Variants in DAAM2 observed in about 807,000 individuals in gnomAD.
DAAM2 encodes dishevelled associated activator of morphogenesis 2, also known as disheveled-associated activator of morphogenesis 2.
Under a neutral mutation model 120.7 loss-of-function variants are expected in DAAM2, and 39 were observed. The ratio of observed to expected loss-of-function variants is 0.32; its 90% CI spans 0.25 to 0.42. DAAM2 has a LOEUF of 0.42. DAAM2 is among the 10% of genes least tolerant of loss of function. The pLI is 1.00. For synonymous variants in DAAM2, 488 were observed against 524.9 expected (o/e 0.93, Z 0.96); for missense variants, 1,283 against 1,401.7 (o/e 0.92, Z 1.35).
At chr6:39,820,906 T>C (rs187005857) in intron 1 of DAAM2, 3 of 152,342 alleles carry the variant, frequency 2.0e-5, no homozygotes, top group Non-Finnish European at 4.4e-5. Context: ...TAATATTTCT[T>C]ATGGGTTATT....
chr6:39,828,754 G>A (rs917219258), intron 1 of DAAM2, among the ~76,000 whole-genome samples: 2 of 151,870 alleles, frequency 1.3e-5, no homozygotes, highest in African/African-American at 4.8e-5. Flanking sequence ...GTAGAGACGG[G>A]GTTTCACCAT....
At chr6:39,857,903 C>T (rs1392762339) in intron 2 of DAAM2, among the ~76,000 whole-genome samples, 1 of 151,888 alleles carries the variant, frequency 6.6e-6, no homozygotes, top group East Asian at 1.9e-4. Flanking sequence ...GTAGGGAAGA[C>T]TGATTTTGAG....
At chr6:39,841,251 G>T (rs1342547334) in intron 1 of DAAM2, among the ~76,000 whole-genome samples, 10 of 106,008 alleles carry the variant, frequency 9.4e-5, no homozygotes, top group Non-Finnish European at 1.8e-4. Context: ...GAGGGGCGCT[G>T]GGAAGAGGGG....
chr6:39,816,858 G>A lies in DAAM2; in HGVS notation c.-57+24393G>A, dbSNP rs6916492. Among the ~76,000 whole-genome samples the A allele has an allele frequency of 8.1e-3, 1,228 of 152,314 alleles. 21 individuals are homozygous for A. Among genetic ancestry groups the A allele is most frequent in the African/African-American group, 0.027 (1,136 of 41,562 alleles). On this transcript the variant is annotated intron_variant, in intron 1 of 24. Transcript: ENST00000274867. ...CAGTACCGTCTCTAGTCCTGTTAAC[G>A]CTCCCCGTGTGGCGGGAAACCTCAC...
At chr6:39,876,446 T>C (rs2504795) in intron 11 of DAAM2, among the ~76,000 whole-genome samples, 104,617 of 152,126 alleles carry the variant, frequency 0.69, 36,918 homozygotes, top group African/African-American at 0.85. Flanking sequence ...GATCAAAAGG[T>C]GACTTTAGTT....
intron 1 of DAAM2, among the ~76,000 whole-genome samples, chr6:39,853,635 G>C (rs982641212): frequency 6.6e-6 from 1 of 152,182 alleles, no homozygotes; most frequent in Admixed American, 6.5e-5. Context: ...TGCCATGTCT[G>C]ATTCCTCTAG....
chr6:39,813,618 T>C (rs995344128), intron 1 of DAAM2, among the ~76,000 whole-genome samples: 2 of 152,138 alleles, frequency 1.3e-5, no homozygotes, highest in African/African-American at 4.8e-5. Flanking sequence ...TTATACAAAA[T>C]ACATAGTAGC....
chr6:39,890,770 A>G (rs1050776031), intron 17 of DAAM2, among the ~76,000 whole-genome samples: 3 of 152,166 alleles, frequency 2.0e-5, no homozygotes, highest in African/African-American at 7.2e-5. Context: ...AGAAAAGAAA[A>G]ATCACTGAGC....
At chr6:39,833,991 C>A (rs1763012330) in intron 1 of DAAM2, among the ~76,000 whole-genome samples, 1 of 152,168 alleles carries the variant, frequency 6.6e-6, no homozygotes, top group South Asian at 2.1e-4. Flanking sequence ...TTCCCAAAGT[C>A]TTGCAGCTTG....
At position 39,871,655 on chromosome 6, in the gene DAAM2, T is replaced by C. The variant is rs1279067813; in HGVS notation, c.1044+83T>C. 6 of 1,309,742 alleles carry C rather than the reference T, an allele frequency of 4.6e-6. No homozygotes were observed. The Admixed American group carries it at 1.0e-4, about 22-fold the overall frequency. 81.1% of individuals were successfully genotyped at this position (1,309,742 alleles called of 1,614,324 possible). ...CACAGCCACTTTTCTAGACCCCGTGTTGTGGCAGGGCTGGTGTGGGCTGGT... is the reference window on the plus strand; with the variant it reads ...CACAGCCACTTTTCTAGACCCCGTGCTGTGGCAGGGCTGGTGTGGGCTGGT... On this transcript the variant is annotated intron_variant, in intron 9 of 24. Coordinates refer to ENST00000274867, the MANE Select transcript of DAAM2 (RefSeq NM_001201427.2).
intron 1 of DAAM2, among the ~76,000 whole-genome samples, chr6:39,843,827 G>A (rs1223681133): frequency 6.6e-6 from 1 of 152,146 alleles, no homozygotes; most frequent in African/African-American, 2.4e-5. Context: ...TGTGAGCTGG[G>A]ATGGGGAGAT....
At chr6:39,841,918 C>T (rs931444254) in intron 1 of DAAM2, among the ~76,000 whole-genome samples, 1 of 152,126 alleles carries the variant, frequency 6.6e-6, no homozygotes, top group African/African-American at 2.4e-5. Flanking sequence ...CTTTTACATG[C>T]AAGATGCCTT....
intron 1 of DAAM2, among the ~76,000 whole-genome samples, chr6:39,802,879 G>A (rs1188755111): frequency 6.6e-6 from 1 of 152,018 alleles, no homozygotes; most frequent in Admixed American, 6.6e-5. Context: ...CCCCTCTCTG[G>A]TTACTACCCT....
At position 39,901,341 on chromosome 6, in the gene DAAM2, A is replaced by G; in HGVS notation, c.2851A>G (p.Lys951Glu). The change falls in exon 24 of 25, where the codon AAG (lysine) becomes GAG (glutamate). Residue 951 changes from lysine (K) to glutamate (E), a missense_variant. By Grantham distance (56) the Lys-to-Glu change is moderately conservative. Transcript: ENST00000274867. This position sits in a 1 kb window ranked among gnomAD's most constrained non-coding sequence, Gnocchi z 4.5. ...ALMHFGEHDSKMQPDEFFGIF... is the reference protein window; with the variant it reads ...ALMHFGEHDSEMQPDEFFGIF... ...GATGCACTTCGGGGAGCATGACAGC[A>G]AGATGCAGCCAGACGAATTCTTTGG... The G allele has an allele frequency of 1.9e-6, 3 of 1,614,000 alleles. No individual in the cohort carries two copies. Among genetic ancestry groups the G allele is most frequent in the Non-Finnish European group, 2.5e-6 (3 of 1,179,884 alleles).
intron 9 of DAAM2, 97 bp downstream of exon 9, chr6:39,871,669 G>C (rs932016950): frequency 8.7e-7 from 1 of 1,145,240 alleles, no homozygotes. Context: ...GGCAGGGCTG[G>C]TGTGGGCTGG....
At chr6:39,803,441 C>CT (rs766024448) in intron 1 of DAAM2, among the ~76,000 whole-genome samples, 31 of 152,142 alleles carry the variant, frequency 2.0e-4, no homozygotes, top group South Asian at 1.2e-3. Context: ...AGGTAGTCCT[C>CT]TAAGAAGCAG....
At position 39,810,687 on chromosome 6, in the gene DAAM2, C is replaced by T. The variant is rs942364134; in HGVS notation, c.-57+18222C>T. Among the ~76,000 whole-genome samples the T allele has an allele frequency of 3.3e-5, 5 of 152,184 alleles. 1 individual carries two copies. Among genetic ancestry groups the T allele is most frequent in the Middle Eastern group, 6.3e-3 (2 of 316 alleles). ...GACAAATGTGTCTCGGTCCAAGTCA[C>T]CCTTCAGAGTTCCTCACAGCATGAG... On this transcript the variant is annotated intron_variant, in intron 1 of 24. Transcript: ENST00000274867.
chr6:39,819,241 G>A (rs1762407657), intron 1 of DAAM2: 1 of 152,308 alleles, frequency 6.6e-6, no homozygotes, highest in Non-Finnish European at 1.5e-5. Context: ...TTGGAGCACA[G>A]GGAGGCCTGT....
Position 39,901,757 on chromosome 6 carries a change from C to G in DAAM2, c.2983-56C>G. Reference sequence around the variant, plus strand: ...AGTTAGCCCAGGGTTGGGGGGCTGCCCTGGCCTCAGCGCCTCTCCCTGAGA... The same window carrying G: ...AGTTAGCCCAGGGTTGGGGGGCTGCGCTGGCCTCAGCGCCTCTCCCTGAGA... On this transcript the variant is annotated intron_variant, in intron 24 of 24. Coordinates refer to ENST00000274867, the MANE Select transcript of DAAM2 (RefSeq NM_001201427.2). The surrounding 1 kb of genome is among the most constrained non-coding windows in gnomAD (Gnocchi z 4.5). The G allele has an allele frequency of 6.9e-7, 1 of 1,441,098 alleles. No homozygotes were observed. The highest frequency in any genetic ancestry group is 9.2e-7 in the Non-Finnish European group (1 of 1,091,346). The allele number at this position is 1,441,098 out of a possible 1,614,324, so 89.3% of individuals were successfully genotyped here.
Sources: allele counts gnomAD v4.1 joint callset (sites outside exome capture counted in the v4.1 genomes callset), GRCh38; gene constraint gnomAD v4.1.1; non-coding constraint Gnocchi (gnomAD v3.1); transcripts MANE v1.5; gene names NCBI Gene and HGNC (gene_info 2026-07-23, HGNC 2026-07-21).